The following SYN3 variants were observed in gnomAD, a reference collection of about 807,000 sequenced individuals.
SYN3 encodes the protein synapsin III.
SYN3 carries 35 observed loss-of-function variants against 65.8 expected under a neutral mutation model. The ratio of observed to expected loss-of-function variants is 0.53; its 90% CI spans 0.41 to 0.70. The LOEUF (loss-of-function observed/expected upper bound fraction) is 0.70, where lower values mean the gene tolerates loss of function less well. SYN3 is among the 30% of genes least tolerant of loss of function. The pLI is 0.00. For missense variants in SYN3, 680 were observed against 749.0 expected (o/e 0.91, Z 1.08); for synonymous variants, 270 against 292.9 (o/e 0.92, Z 0.80).
chr22:32,915,578 A>G (rs540262223), intron 4 of SYN3, among the ~76,000 whole-genome samples: 158 of 152,332 alleles, frequency 1.0e-3, no homozygotes, highest in Non-Finnish European at 1.6e-3. Flanking sequence ...GTTAATATCT[A>G]GGGGAAAAGC....
At chr22:32,836,723 G>C (rs527267631) in intron 6 of SYN3, among the ~76,000 whole-genome samples, 1 of 152,300 alleles carries the variant, frequency 6.6e-6, no homozygotes, top group Non-Finnish European at 1.5e-5. Context: ...TGCAGCAGGT[G>C]GGCCTTCCAA....
chr22:32,673,919 G>A (rs2060405908), intron 6 of SYN3, among the ~76,000 whole-genome samples: 1 of 152,172 alleles, frequency 6.6e-6, no homozygotes, highest in African/African-American at 2.4e-5. Context: ...AGCCCTGATG[G>A]GTATGGAGCT....
chr22:32,782,515 CTTTT>C (rs1265679936), intron 6 of SYN3, among the ~76,000 whole-genome samples: 3 of 124,160 alleles, frequency 2.4e-5, no homozygotes, highest in Admixed American at 8.2e-5. Context: ...CCTTGTAATT[CTTTT>C]TTTTTTTTTT....
intron 6 of SYN3, among the ~76,000 whole-genome samples, chr22:32,773,135 G>A (rs755437085): frequency 2.0e-4 from 30 of 152,198 alleles, no homozygotes; most frequent in African/African-American, 2.7e-4. Flanking sequence ...AGTGTCGGGC[G>A]TGGTGGCTCA....
chr22:32,829,510 C>T (rs1335119173), intron 6 of SYN3, among the ~76,000 whole-genome samples: 1 of 152,222 alleles, frequency 6.6e-6, no homozygotes, highest in Non-Finnish European at 1.5e-5. Flanking sequence ...GCCAGATGCT[C>T]CATCTAGCCA....
chr22:32,745,050 GCAC>G (rs1481843855), intron 6 of SYN3, among the ~76,000 whole-genome samples: 1 of 150,956 alleles, frequency 6.6e-6, no homozygotes, highest in Non-Finnish European at 1.5e-5. Flanking sequence ...GGAAGAAACG[GCAC>G]TCTTCTGACG....
chr22:33,053,817 G>T (rs903223807), intron 1 of SYN3, among the ~76,000 whole-genome samples: 1 of 152,138 alleles, frequency 6.6e-6, no homozygotes, highest in Non-Finnish European at 1.5e-5. Context: ...CCTGTTTACT[G>T]GATAAACTCC....
chr22:32,640,991 T>C (rs958351813), intron 6 of SYN3, among the ~76,000 whole-genome samples: 1 of 152,232 alleles, frequency 6.6e-6, no homozygotes, highest in Non-Finnish European at 1.5e-5. Flanking sequence ...GTTTGCTACG[T>C]AGCTTAAGCT....
chr22:32,515,202 A>G (rs2057751494), intron 13 of SYN3, among the ~76,000 whole-genome samples: 1 of 152,234 alleles, frequency 6.6e-6, no homozygotes, highest in South Asian at 2.1e-4. Flanking sequence ...GTTTTTAGCT[A>G]GAACACTGTA....
intron 6 of SYN3, among the ~76,000 whole-genome samples, chr22:32,806,570 T>C (rs1447335490): frequency 6.6e-6 from 1 of 152,204 alleles, no homozygotes; most frequent in East Asian, 1.9e-4. Flanking sequence ...TGAGCTCCAC[T>C]CCTTCCTCTG....
At chr22:32,814,172 G>A (rs373306133) in intron 6 of SYN3, among the ~76,000 whole-genome samples, 2 of 44,698 alleles carry the variant, frequency 4.5e-5, no homozygotes, top group East Asian at 5.5e-4. Context: ...GAGAGAAAGA[G>A]AAAGAAAGAA....
At chr22:32,785,911 A>C (rs2046181807) in intron 6 of SYN3, among the ~76,000 whole-genome samples, 2 of 152,150 alleles carry the variant, frequency 1.3e-5, no homozygotes, top group Admixed American at 6.5e-5. Flanking sequence ...ATAAAGCCTG[A>C]ATGAATGACA....
intron 6 of SYN3, among the ~76,000 whole-genome samples, chr22:32,646,986 G>A (rs1054289234): frequency 7.9e-5 from 12 of 152,178 alleles, no homozygotes; most frequent in Non-Finnish European, 1.6e-4. Flanking sequence ...CCCTGCCTTC[G>A]CTGGTTGCTG....
intron 3 of SYN3, among the ~76,000 whole-genome samples, chr22:32,973,308 G>A (rs2052078999): frequency 6.6e-6 from 1 of 152,208 alleles, no homozygotes; most frequent in African/African-American, 2.4e-5. Flanking sequence ...TAATAGTTAA[G>A]TACATGGAAG....
At chr22:33,051,351 T>A (rs938472995) in intron 1 of SYN3, among the ~76,000 whole-genome samples, 3 of 152,196 alleles carry the variant, frequency 2.0e-5, no homozygotes, top group African/African-American at 7.2e-5. Flanking sequence ...TCGCAGTGTG[T>A]CTATGAAAGG....
chr22:32,849,345 G>C, intron 6 of SYN3: 1 of 883,890 alleles, frequency 1.1e-6, no homozygotes, highest in South Asian at 1.4e-5. Flanking sequence ...TCCAAGGTAA[G>C]AGTGCAATTC....
chr22:32,686,980 A>C (rs1167353771), intron 6 of SYN3, among the ~76,000 whole-genome samples: 1 of 151,932 alleles, frequency 6.6e-6, no homozygotes, highest in Admixed American at 6.6e-5. Context: ...AGTGGAGCAA[A>C]GAGGAGTTGT....
At chr22:32,623,605 A>G (rs1315948267) in intron 6 of SYN3, among the ~76,000 whole-genome samples, 3 of 152,178 alleles carry the variant, frequency 2.0e-5, no homozygotes, top group Non-Finnish European at 4.4e-5. Context: ...AAACCTGGAT[A>G]TGCTCCTGGA....
chr22:32,523,434 G>A (rs1265186998), intron 12 of SYN3, among the ~76,000 whole-genome samples: 1 of 152,134 alleles, frequency 6.6e-6, no homozygotes, highest in Non-Finnish European at 1.5e-5. Context: ...AATCGCTTGA[G>A]CCCAGGAGGC....
Sources: allele counts gnomAD v4.1 joint callset (sites outside exome capture counted in the v4.1 genomes callset), GRCh38; gene constraint gnomAD v4.1.1; transcripts MANE v1.5; gene names NCBI Gene and HGNC (gene_info 2026-07-23, HGNC 2026-07-21).